The following SLMAP variants were observed in gnomAD, a reference collection of about 807,000 sequenced individuals.
SLMAP encodes sarcolemmal membrane-associated protein.
Under a neutral mutation model 128.8 loss-of-function variants are expected in SLMAP, and 44 were observed. That is an observed-to-expected ratio of 0.34 (90% CI 0.27 to 0.44). The LOEUF (loss-of-function observed/expected upper bound fraction) is 0.44. Among genes scored for constraint, SLMAP ranks in the 20% least tolerant of loss-of-function variants. The pLI, the probability that SLMAP is intolerant of heterozygous loss-of-function variation, is 1.00. For missense variants in SLMAP, 787 were observed against 985.3 expected (o/e 0.80, Z 2.69); for synonymous variants, 327 against 348.8 (o/e 0.94, Z 0.70).
At chr3:57,919,139 T>G (rs559305510) in intron 22 of SLMAP, among the ~76,000 whole-genome samples, 2 of 152,230 alleles carry the variant, frequency 1.3e-5, no homozygotes, top group South Asian at 4.1e-4. Flanking sequence ...CCAGCACTTT[T>G]AGAGGCCAAG....
At chr3:57,894,449 C>T (rs1189946198) in intron 15 of SLMAP, among the ~76,000 whole-genome samples, 1 of 152,106 alleles carries the variant, frequency 6.6e-6, no homozygotes, top group African/African-American at 2.4e-5. Flanking sequence ...CATTATGTAT[C>T]GCATATGTGC....
chr3:57,919,744 A>G (rs1985315), intron 22 of SLMAP, among the ~76,000 whole-genome samples: 49,984 of 151,216 alleles, frequency 0.33, 8,895 homozygotes, highest in East Asian at 0.47. Flanking sequence ...GTGGTAAGCC[A>G]AGATCGCACC....
At chr3:57,890,241 A>G in intron 15 of SLMAP, 141 bp downstream of exon 15, 1 of 616,204 alleles carries the variant, frequency 1.6e-6, no homozygotes, top group Non-Finnish European at 2.8e-6. Context: ...AGTATCAGAT[A>G]ATATATAAAA....
chr3:57,814,314 G>C (rs953661501), intron 2 of SLMAP, among the ~76,000 whole-genome samples: 2 of 151,652 alleles, frequency 1.3e-5, no homozygotes, highest in Non-Finnish European at 1.5e-5. Context: ...CTCATTTTTT[G>C]ATTTTTTGTA....
At chr3:57,857,354 A>G (rs1188921091) in intron 6 of SLMAP, among the ~76,000 whole-genome samples, 4 of 152,178 alleles carry the variant, frequency 2.6e-5, no homozygotes, top group Non-Finnish European at 5.9e-5. Context: ...TATATCTACT[A>G]TGTTTTTTCC....
chr3:57,914,691 T>C (rs1395513890), intron 21 of SLMAP, among the ~76,000 whole-genome samples: 1 of 151,894 alleles, frequency 6.6e-6, no homozygotes, highest in Non-Finnish European at 1.5e-5. Context: ...CAATCGATTC[T>C]CCTGCCTCAG....
At chr3:57,829,957 T>G (rs768813775) in intron 2 of SLMAP, among the ~76,000 whole-genome samples, 1 of 152,224 alleles carries the variant, frequency 6.6e-6, no homozygotes, top group Non-Finnish European at 1.5e-5. Context: ...TCCCCAGTTC[T>G]GTGACTTTTG....
intron 17 of SLMAP, among the ~76,000 whole-genome samples, chr3:57,903,737 A>G (rs1016406369): frequency 6.6e-6 from 1 of 152,176 alleles, no homozygotes; most frequent in Non-Finnish European, 1.5e-5. Context: ...ATGTTAAGGA[A>G]AAAACAGATT....
At chr3:57,886,733 A>G (rs2095899513) in intron 14 of SLMAP, among the ~76,000 whole-genome samples, 1 of 152,062 alleles carries the variant, frequency 6.6e-6, no homozygotes, top group African/African-American at 2.4e-5. Context: ...ATAATTCCCC[A>G]GAAGTGACAG....
intron 3 of SLMAP, among the ~76,000 whole-genome samples, chr3:57,836,972 C>T (rs886500434): frequency 6.6e-6 from 1 of 152,150 alleles, no homozygotes; most frequent in Non-Finnish European, 1.5e-5. Flanking sequence ...TTACTTCAGG[C>T]CTTCATCACC....
intron 2 of SLMAP, among the ~76,000 whole-genome samples, chr3:57,767,154 A>G (rs2079906499): frequency 6.6e-6 from 1 of 152,052 alleles, no homozygotes; most frequent in Admixed American, 6.6e-5. Flanking sequence ...CCTGGCCTCA[A>G]GCAATCCACC....
chr3:57,839,254 A>T (rs2093796683), intron 3 of SLMAP, among the ~76,000 whole-genome samples: 1 of 151,744 alleles, frequency 6.6e-6, no homozygotes, highest in Admixed American at 6.6e-5. Flanking sequence ...ATGGTTCTTG[A>T]TCTGTGTTAG....
intron 2 of SLMAP, among the ~76,000 whole-genome samples, chr3:57,814,213 A>G (rs577938008): frequency 3.3e-5 from 5 of 150,758 alleles, no homozygotes; most frequent in East Asian, 2.0e-4. Context: ...CTTTCCATTC[A>G]TCGTCCATCT....
intron 13 of SLMAP, among the ~76,000 whole-genome samples, chr3:57,867,397 C>G (rs2095335520): frequency 6.6e-6 from 1 of 152,024 alleles, no homozygotes; most frequent in Admixed American, 6.6e-5. Flanking sequence ...TAATAGTAGA[C>G]TGTTTTCATA....
At chr3:57,810,124 C>T (rs991653814) in intron 2 of SLMAP, among the ~76,000 whole-genome samples, 1 of 152,156 alleles carries the variant, frequency 6.6e-6, no homozygotes, top group Non-Finnish European at 1.5e-5. Context: ...CCACCATGTT[C>T]CCTGGTGGCA....
intron 2 of SLMAP, among the ~76,000 whole-genome samples, chr3:57,788,640 T>G (rs2084765281): frequency 6.6e-6 from 1 of 151,966 alleles, no homozygotes; most frequent in South Asian, 2.1e-4. Flanking sequence ...TCCAGAGAAG[T>G]AGGAGGATGA....
chr3:57,813,095 CTTTTTTTTT>C (rs200561601), intron 2 of SLMAP, among the ~76,000 whole-genome samples: 16 of 120,878 alleles, frequency 1.3e-4, no homozygotes, highest in Admixed American at 1.2e-3. Context: ...CGTTTGGATG[CTTTTTTTTT>C]TTTTTTTTTG....
At chr3:57,862,784 A>T (rs1037312780) in intron 10 of SLMAP, among the ~76,000 whole-genome samples, 2 of 152,174 alleles carry the variant, frequency 1.3e-5, no homozygotes, top group Admixed American at 6.5e-5. Flanking sequence ...ATTAAATAAG[A>T]TTTCTATAAA....
chr3:57,908,380 A>G (rs571562241), intron 18 of SLMAP, among the ~76,000 whole-genome samples: 106 of 152,232 alleles, frequency 7.0e-4, no homozygotes, highest in Non-Finnish European at 1.4e-3. Flanking sequence ...TATAGGTCAT[A>G]AGCCAGTGGA....
Sources: gnomAD v4.1 joint callset for allele counts (sites outside exome capture counted in the v4.1 genomes callset) on GRCh38, gnomAD v4.1.1 for gene constraint, MANE v1.5 for transcripts, NCBI Gene and HGNC (gene_info 2026-07-23, HGNC 2026-07-21) for gene names.